The following VPS13B variants were observed in gnomAD, a reference collection of about 807,000 sequenced individuals.
The protein encoded by VPS13B is intermembrane lipid transfer protein VPS13B.
Under a neutral mutation model 426.4 loss-of-function variants are expected in VPS13B, and 285 were observed. The ratio of observed to expected loss-of-function variants is 0.67; its 90% CI spans 0.61 to 0.74. The LOEUF is 0.74. VPS13B is among the 30% of genes least tolerant of loss of function. The pLI is 0.00. For missense variants in VPS13B, 4,537 were observed against 4,782.6 expected, an observed-to-expected ratio of 0.95 and a Z score of 1.51; for synonymous variants, 1,676 against 1,676.4, an observed-to-expected ratio of 1.00 and a Z score of 0.01.
At chr8:99,481,263 C>T (rs1013891712) in intron 24 of VPS13B, among the ~76,000 whole-genome samples, 2 of 152,046 alleles carry the variant, frequency 1.3e-5, no homozygotes, top group Non-Finnish European at 1.5e-5. Context: ...TTTACTAGAA[C>T]GCCTTTGTTT....
chr8:99,509,457 C>T (rs978582492), intron 28 of VPS13B, among the ~76,000 whole-genome samples: 2 of 151,772 alleles, frequency 1.3e-5, no homozygotes, highest in African/African-American at 4.8e-5. Flanking sequence ...ATTTTCTTAT[C>T]TTCCTTCATT....
chr8:99,477,166 G>T (rs576799490), intron 24 of VPS13B, among the ~76,000 whole-genome samples: 1 of 152,104 alleles, frequency 6.6e-6, no homozygotes, highest in African/African-American at 2.4e-5. Flanking sequence ...ATCTTTCATG[G>T]TCAAAGATAC....
At chr8:99,142,075 A>G (rs763033400) in intron 12 of VPS13B, among the ~76,000 whole-genome samples, 1 of 152,018 alleles carries the variant, frequency 6.6e-6, no homozygotes, top group Non-Finnish European at 1.5e-5. Context: ...AAATCAATCA[A>G]TCAATTAATC....
chr8:99,856,004 C>A (rs1816525790), intron 56 of VPS13B, among the ~76,000 whole-genome samples: 1 of 152,176 alleles, frequency 6.6e-6, no homozygotes, highest in Admixed American at 6.5e-5. Flanking sequence ...CAATCTGAGG[C>A]CTGGCAAGGA....
intron 19 of VPS13B, among the ~76,000 whole-genome samples, chr8:99,380,481 A>T (rs1813733748): frequency 6.6e-6 from 1 of 151,950 alleles, no homozygotes; most frequent in Non-Finnish European, 1.5e-5. Flanking sequence ...ATCATTGCTC[A>T]ACAGTACACA....
intron 59 of VPS13B, 32 bp downstream of exon 59, chr8:99,868,497 C>T (rs967708768): frequency 1.9e-6 from 3 of 1,583,306 alleles, no homozygotes; most frequent in South Asian, 1.1e-5. Flanking sequence ...CAGGCCAACC[C>T]AGACGTTACT....
intron 33 of VPS13B, among the ~76,000 whole-genome samples, chr8:99,580,327 T>A (rs1056481705): frequency 1.9e-4 from 16 of 83,442 alleles, no homozygotes; most frequent in Admixed American, 1.0e-3. Flanking sequence ...TAACATTAAA[T>A]ATATATATAT....
At chr8:99,098,096 G>C (rs1400620526) in intron 4 of VPS13B, among the ~76,000 whole-genome samples, 2 of 152,126 alleles carry the variant, frequency 1.3e-5, no homozygotes, top group African/African-American at 4.8e-5. Context: ...TATTGATGTG[G>C]TTGTATTTAC....
At chr8:99,667,025 G>A (rs1588605574) in intron 35 of VPS13B, among the ~76,000 whole-genome samples, 2 of 152,238 alleles carry the variant, frequency 1.3e-5, no homozygotes, top group South Asian at 4.1e-4. Context: ...TGTCCATGCT[G>A]TAATAGTGAT....
intron 44 of VPS13B, 25 bp from the exon 45 acceptor site, chr8:99,817,515 C>A: frequency 6.2e-7 from 1 of 1,612,926 alleles, no homozygotes; most frequent in Non-Finnish European, 8.5e-7. Context: ...ATTGATGAAG[C>A]CTTATATACT....
chr8:99,369,115 A>C (rs1177024461), intron 19 of VPS13B, among the ~76,000 whole-genome samples: 2 of 152,052 alleles, frequency 1.3e-5, no homozygotes, highest in Admixed American at 6.6e-5. Context: ...ATAGTTTTAA[A>C]GTTGTACCTA....
chr8:99,856,169 A>T (rs1307380154), intron 56 of VPS13B, among the ~76,000 whole-genome samples: 2 of 152,240 alleles, frequency 1.3e-5, no homozygotes, highest in Admixed American at 6.5e-5. Context: ...TCACAAGAAC[A>T]TTCTATTTGA....
intron 16 of VPS13B, among the ~76,000 whole-genome samples, chr8:99,185,638 T>A (rs1265142190): frequency 2.0e-5 from 3 of 152,202 alleles, no homozygotes; most frequent in Non-Finnish European, 2.9e-5. Context: ...CTGAGAATAT[T>A]CTTTCAATTG....
At chr8:99,102,771 C>G (rs1413210181) in intron 4 of VPS13B, among the ~76,000 whole-genome samples, 182 bp from the exon 5 acceptor site, 2 of 152,136 alleles carry the variant, frequency 1.3e-5, no homozygotes, top group Non-Finnish European at 2.9e-5. Flanking sequence ...TGGGGTCGAT[C>G]TGCTACTTAT....
At chr8:99,673,681 T>G (rs1830808643) in intron 35 of VPS13B, among the ~76,000 whole-genome samples, 1 of 151,914 alleles carries the variant, frequency 6.6e-6, no homozygotes, top group South Asian at 2.1e-4. Flanking sequence ...TAGTTCCTTG[T>G]GTTGTAATGT....
At chr8:99,408,257 T>C (rs1468951223) in intron 21 of VPS13B, among the ~76,000 whole-genome samples, 1 of 152,138 alleles carries the variant, frequency 6.6e-6, no homozygotes, top group Non-Finnish European at 1.5e-5. Context: ...GAATGCACTG[T>C]AGGGAGAAAA....
chr8:99,204,725 A>G (rs1452907470), intron 17 of VPS13B, among the ~76,000 whole-genome samples: 1 of 152,248 alleles, frequency 6.6e-6, no homozygotes, highest in Non-Finnish European at 1.5e-5. Flanking sequence ...AAAAGAAGAC[A>G]TTTATGTGGC....
At chr8:99,466,013 A>C (rs989621287) in intron 23 of VPS13B, among the ~76,000 whole-genome samples, 1 of 152,106 alleles carries the variant, frequency 6.6e-6, no homozygotes, top group African/African-American at 2.4e-5. Context: ...TACCTACTGA[A>C]TATTGAATAT....
chr8:99,637,447 A>T (rs550845912), intron 33 of VPS13B, among the ~76,000 whole-genome samples: 1 of 152,064 alleles, frequency 6.6e-6, no homozygotes, highest in Non-Finnish European at 1.5e-5. Flanking sequence ...TTTCCTTCCA[A>T]TGAAAGCCAG....
Sources: gnomAD v4.1 joint callset for allele counts (sites outside exome capture counted in the v4.1 genomes callset) on GRCh38, gnomAD v4.1.1 for gene constraint, MANE v1.5 for transcripts, NCBI Gene and HGNC (gene_info 2026-07-23, HGNC 2026-07-21) for gene names.